CEP63: variants seen among roughly 807,000 people sequenced by gnomAD.
CEP63 encodes centrosomal protein of 63 kDa.
A neutral mutation model predicts 89.1 loss-of-function variants in CEP63; 84 were observed. The observed-to-expected ratio is 0.94, with a 90% CI of 0.79 to 1.13. The LOEUF (loss-of-function observed/expected upper bound fraction) is 1.13. Among genes scored for constraint, CEP63 ranks in the 50% most tolerant of loss-of-function variants. The pLI is 0.00. For synonymous variants in CEP63, 267 were observed against 272.5 expected (o/e 0.98, Z 0.20); for missense variants, 838 against 813.3 (o/e 1.03, Z -0.37).
chr3:134,650,624 G>C, the CEP63 span, among the ~76,000 whole-genome samples: 3 of 152,202 alleles, frequency 2.0e-5, no homozygotes, highest in Admixed American at 1.3e-4. Context: ...GGGCAATCAC[G>C]GGGCTGCGCG....
downstream of CEP63, among the ~76,000 whole-genome samples, chr3:134,589,481 C>T (rs955443211): frequency 5.9e-5 from 9 of 151,958 alleles, no homozygotes; most frequent in African/African-American, 1.5e-4. Context: ...ATCATAACTT[C>T]TACCCAGCAC....
At chr3:134,716,152 T>C in the CEP63 span, among the ~76,000 whole-genome samples, 3 of 152,218 alleles carry the variant, frequency 2.0e-5, no homozygotes, top group Admixed American at 6.5e-5. Context: ...GACTGATCAA[T>C]TTGAATTTGT....
At chr3:134,771,042 A>G in the CEP63 span, among the ~76,000 whole-genome samples, 1 of 152,208 alleles carries the variant, frequency 6.6e-6, no homozygotes, top group East Asian at 1.9e-4. Context: ...TTAAGAATAC[A>G]TTTGAACGAA....
In CEP63 at chr3:134,561,978, G is replaced by T. The variant is rs527629114; in HGVS notation, c.*443G>T. Reference sequence around the variant, plus strand: ...GATAGACTGGTTTTGCCACTTACCAGCCAACGGGGCTTGTTATTTACTGGG... The same window carrying T: ...GATAGACTGGTTTTGCCACTTACCATCCAACGGGGCTTGTTATTTACTGGG... On this transcript the variant is annotated 3_prime_UTR_variant, in exon 15 of 15. Transcript: ENST00000675561. 14 of 1,017,650 alleles carry T rather than the reference G, an allele frequency of 1.4e-5. No individual in the cohort carries two copies. In the African/African-American group the frequency reaches 2.4e-4, roughly 18 times the overall value. 63.0% of individuals were successfully genotyped at this position (1,017,650 alleles called of 1,614,324 possible).
chr3:134,544,204 G>A (rs1391442842), intron 6 of CEP63, among the ~76,000 whole-genome samples: 1 of 152,148 alleles, frequency 6.6e-6, no homozygotes, highest in African/African-American at 2.4e-5. Context: ...AAGTAAAATT[G>A]TGTGATTTTA....
intron 2 of CEP63, among the ~76,000 whole-genome samples, chr3:134,504,549 C>A (rs1015038488): frequency 6.6e-6 from 1 of 152,134 alleles, no homozygotes; most frequent in African/African-American, 2.4e-5. Context: ...TTGTCTTTGA[C>A]TTTTGACAGT....
At chr3:134,726,093 C>T in the CEP63 span, among the ~76,000 whole-genome samples, 1 of 152,196 alleles carries the variant, frequency 6.6e-6, no homozygotes, top group African/African-American at 2.4e-5. Flanking sequence ...AGCCTTTTTC[C>T]TCTTCCTAAG....
At chr3:134,698,710 C>T in the CEP63 span, among the ~76,000 whole-genome samples, 1 of 152,236 alleles carries the variant, frequency 6.6e-6, no homozygotes, top group Admixed American at 6.5e-5. Context: ...CACACCTTGT[C>T]TCCAGGTAGT....
At chr3:134,607,148 C>A in the CEP63 span, 1 of 985,226 alleles carries the variant, frequency 1.0e-6, no homozygotes, top group Non-Finnish European at 1.2e-6. Context: ...CCGATATTTC[C>A]ACGGCCTATG....
At chr3:134,765,558 A>G in the CEP63 span, among the ~76,000 whole-genome samples, 1 of 152,212 alleles carries the variant, frequency 6.6e-6, no homozygotes, top group Non-Finnish European at 1.5e-5. Context: ...AGTAGGAGAG[A>G]ACCAGAGGAA....
chr3:134,699,190 T>A, the CEP63 span, among the ~76,000 whole-genome samples: 1 of 152,210 alleles, frequency 6.6e-6, no homozygotes, highest in Admixed American at 6.5e-5. Context: ...CCCCTGTGCC[T>A]AGCACCATTT....
the CEP63 span, among the ~76,000 whole-genome samples, chr3:134,704,253 G>C: frequency 2.6e-5 from 4 of 152,240 alleles, no homozygotes; most frequent in Non-Finnish European, 5.9e-5. Flanking sequence ...CCCATTTCTT[G>C]TGCTTCCCCA....
At chr3:134,531,576 A>G (rs1242877773) in intron 3 of CEP63, among the ~76,000 whole-genome samples, 3 of 152,140 alleles carry the variant, frequency 2.0e-5, no homozygotes, top group Non-Finnish European at 4.4e-5. Flanking sequence ...TGAGACTCCC[A>G]TCTCAAAAAG....
the CEP63 span, chr3:134,598,124 T>C: frequency 6.6e-6 from 1 of 152,112 alleles, no homozygotes; most frequent in Non-Finnish European, 1.5e-5. Context: ...TCATCGAAGG[T>C]GCTTATTATT....
chr3:134,694,679 T>C, the CEP63 span, among the ~76,000 whole-genome samples: 1 of 152,208 alleles, frequency 6.6e-6, no homozygotes, highest in South Asian at 2.1e-4. Flanking sequence ...CAGAGCCCTT[T>C]TCAAGGATTC....
chr3:134,643,305 G>A, the CEP63 span: 110 of 1,613,462 alleles, frequency 6.8e-5, no homozygotes, highest in Non-Finnish European at 8.2e-5. Flanking sequence ...GGCTAGCGGC[G>A]AATCACTTAC....
chr3:134,598,827 G>A, the CEP63 span, among the ~76,000 whole-genome samples: 3 of 152,196 alleles, frequency 2.0e-5, no homozygotes, highest in Non-Finnish European at 4.4e-5. Flanking sequence ...CTTTTGACTC[G>A]GAGATGCCTG....
the CEP63 span, among the ~76,000 whole-genome samples, chr3:134,668,674 T>G: frequency 2.6e-5 from 4 of 152,246 alleles, no homozygotes; most frequent in Non-Finnish European, 5.9e-5. Flanking sequence ...ACCCTCATGA[T>G]AAAATCACTT....
chr3:134,605,752 TCCTAATAACGAGG>T, the CEP63 span, among the ~76,000 whole-genome samples: 2 of 151,996 alleles, frequency 1.3e-5, no homozygotes, highest in Non-Finnish European at 2.9e-5. Flanking sequence ...TCCAGTGACT[TCCTAATAACGAGG>T]CCTCTCAGAC....
Sources: allele counts gnomAD v4.1 joint callset (sites outside exome capture counted in the v4.1 genomes callset), GRCh38; gene constraint gnomAD v4.1.1; transcripts MANE v1.5; gene names NCBI Gene and HGNC (gene_info 2026-07-23, HGNC 2026-07-21).